The following FAAH2 variants were observed in gnomAD, a reference collection of about 807,000 sequenced individuals.
The protein encoded by FAAH2 is fatty-acid amide hydrolase 2.
Under a neutral mutation model 36.9 loss-of-function variants are expected in FAAH2, and 60 were observed. The observed-to-expected ratio is 1.63, with a 90% CI of 1.32 to 2.02. The LOEUF (loss-of-function observed/expected upper bound fraction) is 2.02, where lower values mean the gene tolerates loss of function less well. Ranked by LOEUF, FAAH2 falls within the 30% of genes most tolerant of loss-of-function variation. The pLI is 0.00. For missense variants in FAAH2, 689 were observed against 397.5 expected (o/e 1.73, Z -6.23); for synonymous variants, 214 against 143.8 (o/e 1.49, Z -3.49).
the FAAH2 span, among the ~76,000 whole-genome samples, chrX:57,196,780 C>T: frequency 9.0e-6 from 1 of 111,281 alleles, no homozygotes; most frequent in Non-Finnish European, 1.9e-5. Context: ...ATTTGGGTAC[C>T]TGATGCTGTT....
At chrX:57,470,669 C>G (rs997594721) in intron 10 of FAAH2, among the ~76,000 whole-genome samples, 1 of 111,276 alleles carries the variant, frequency 9.0e-6, no homozygotes, top group Non-Finnish European at 1.9e-5. Context: ...ACCAGAGGTA[C>G]AAGGAGGAGC....
chrX:57,465,564 C>T (rs541678466), intron 10 of FAAH2, among the ~76,000 whole-genome samples: 1 of 111,150 alleles, frequency 9.0e-6, no homozygotes. Flanking sequence ...GACAGCCAAC[C>T]AATACTCTTA....
At chrX:57,133,765 G>T in the FAAH2 span, among the ~76,000 whole-genome samples, 1 of 112,124 alleles carries the variant, frequency 8.9e-6, no homozygotes, top group African/African-American at 3.3e-5. Context: ...GTCTGAGATT[G>T]GTCCCTGGGC....
chrX:57,370,207 A>G (rs1328762697), intron 5 of FAAH2, among the ~76,000 whole-genome samples: 6 of 112,056 alleles, frequency 5.4e-5, no homozygotes, highest in African/African-American at 1.9e-4. Flanking sequence ...TTAGTAACCA[A>G]TAATAACCTT....
chrX:57,477,049 C>A (rs1235925397), intron 10 of FAAH2, among the ~76,000 whole-genome samples: 15 of 109,543 alleles, frequency 1.4e-4, no homozygotes, highest in Admixed American at 8.8e-4. Context: ...GGTGATATCG[C>A]CTTTATCATT....
At chrX:57,461,491 A>G (rs1438990620) in intron 10 of FAAH2, among the ~76,000 whole-genome samples, 2 of 111,997 alleles carry the variant, frequency 1.8e-5, no homozygotes, top group Admixed American at 9.5e-5. Context: ...CTCAGGATTA[A>G]GAAACTCACT....
At chrX:57,157,677 G>A in the FAAH2 span, among the ~76,000 whole-genome samples, 1 of 111,746 alleles carries the variant, frequency 8.9e-6, no homozygotes, top group African/African-American at 3.3e-5. Context: ...ACCAAGTACT[G>A]TGATCAATCA....
At chrX:57,471,238 A>C (rs1174366386) in intron 10 of FAAH2, among the ~76,000 whole-genome samples, 9 of 111,780 alleles carry the variant, frequency 8.1e-5, no homozygotes, top group Admixed American at 4.8e-4. Flanking sequence ...GTTGGAAGTT[A>C]TGGCCAGGGC....
At chrX:57,325,469 T>C (rs1453066071) in intron 3 of FAAH2, among the ~76,000 whole-genome samples, 1 of 111,589 alleles carries the variant, frequency 9.0e-6, no homozygotes, top group Non-Finnish European at 1.9e-5. Flanking sequence ...CATCTGGTCC[T>C]GAACTTTTTT....
chrX:57,404,912 G>A (rs1255332645), intron 7 of FAAH2, among the ~76,000 whole-genome samples: 1 of 111,967 alleles, frequency 8.9e-6, no homozygotes, highest in Non-Finnish European at 1.9e-5. Context: ...CAGGATGACA[G>A]CTTTCTGCCT....
At chrX:57,214,991 G>A in the FAAH2 span, among the ~76,000 whole-genome samples, 1 of 109,504 alleles carries the variant, frequency 9.1e-6, no homozygotes. Flanking sequence ...CTTCTGTACA[G>A]CAAAAGAAAC....
At chrX:57,419,795 T>A (rs1385231983) in intron 7 of FAAH2, among the ~76,000 whole-genome samples, 2 of 111,917 alleles carry the variant, frequency 1.8e-5, no homozygotes, top group South Asian at 3.7e-4. Context: ...TCCTTGCCCA[T>A]GCCTATGTCC....
chrX:57,135,603 A>C, the FAAH2 span: 1 of 783,448 alleles, frequency 1.3e-6, no homozygotes, highest in Non-Finnish European at 1.8e-6. Context: ...CCATCTACCA[A>C]ACACACCCGA....
chrX:57,246,042 A>T, the FAAH2 span, among the ~76,000 whole-genome samples: 1 of 111,932 alleles, frequency 8.9e-6, no homozygotes, highest in African/African-American at 3.2e-5. Context: ...GCTATAGGGG[A>T]TAAACTACTG....
chrX:57,392,102 T>A (rs1297108825), intron 7 of FAAH2, among the ~76,000 whole-genome samples: 1 of 111,700 alleles, frequency 9.0e-6, no homozygotes, highest in Non-Finnish European at 1.9e-5. Context: ...TTTTTATTTG[T>A]TTCTTAGGTT....
intron 5 of FAAH2, among the ~76,000 whole-genome samples, chrX:57,375,951 A>T (rs2054664647): frequency 2.7e-5 from 3 of 111,789 alleles, no homozygotes; most frequent in African/African-American, 9.7e-5. Flanking sequence ...TTCTATATAT[A>T]TATTGAGTTA....
intron 5 of FAAH2, among the ~76,000 whole-genome samples, chrX:57,347,604 G>GTTTTTTTTTTTT (rs61323098): frequency 1.3e-5 from 1 of 77,902 alleles, no homozygotes; most frequent in African/African-American, 6.5e-5. Flanking sequence ...GGGATGCTAA[G>GTTTTTTTTTTTT]TTTTTTTTTT....
rs1483345681 is a variant in FAAH2, at chrX:57,389,283, C to CAT, written c.996+8255_996+8256insTA. ...ACACGCACACACACACACACCTACA[C>CAT]ACACACACACATATATATATATACA... On this transcript the variant is annotated intron_variant, in intron 7 of 10. Coordinates refer to ENST00000374900, the MANE Select transcript of FAAH2 (RefSeq NM_174912.4). Among the ~76,000 whole-genome samples the CAT allele has an allele frequency of 1.4e-4, 3 of 21,983 alleles. No individual in the cohort carries two copies. The East Asian group carries it at 8.5e-3, about 62-fold the overall frequency. 19.1% of individuals were successfully genotyped at this position (21,983 alleles called of 115,157 possible).
chrX:57,478,196 T>C lies in FAAH2; in HGVS notation c.1424-10561T>C, dbSNP rs2057307537. Among the ~76,000 whole-genome samples, 3 of 112,083 alleles carry C rather than the reference T, an allele frequency of 2.7e-5. No homozygotes were observed. The South Asian group carries it at 1.1e-3, about 42-fold the overall frequency. ...GATTGCCATTCGAACTGGTATGAGA[T>C]GGTATCTCATTGTGGTTTTGATATG... On this transcript the variant is annotated intron_variant, in intron 10 of 10. Coordinates refer to ENST00000374900, the MANE Select transcript of FAAH2 (RefSeq NM_174912.4).
Sources: allele counts gnomAD v4.1 joint callset (sites outside exome capture counted in the v4.1 genomes callset), GRCh38; gene constraint gnomAD v4.1.1; transcripts MANE v1.5; gene names NCBI Gene and HGNC (gene_info 2026-07-23, HGNC 2026-07-21).